GALNT1: variants seen among roughly 807,000 people sequenced by gnomAD.
GALNT1 encodes GalNAc transferase 1.
Under a neutral mutation model 65.7 loss-of-function variants are expected in GALNT1, and 17 were observed. The observed-to-expected ratio is 0.26, with a 90% CI of 0.18 to 0.39. The LOEUF (loss-of-function observed/expected upper bound fraction) is 0.39. Among genes scored for constraint, GALNT1 ranks in the 10% least tolerant of loss-of-function variants. GALNT1 has a pLI of 1.00. For synonymous variants in GALNT1, 210 were observed against 219.7 expected, an observed-to-expected ratio of 0.96 and a Z score of 0.39; for missense variants, 460 against 672.8, an observed-to-expected ratio of 0.68 and a Z score of 3.50.
chr18:35,600,668 G>A (rs144023630), intron 1 of GALNT1, among the ~76,000 whole-genome samples: 1 of 152,010 alleles, frequency 6.6e-6, no homozygotes, highest in African/African-American at 2.4e-5. Flanking sequence ...GTCACATATG[G>A]CCTTTATTTT....
chr18:35,618,473 G>T (rs150733553), intron 1 of GALNT1, among the ~76,000 whole-genome samples: 7 of 152,082 alleles, frequency 4.6e-5, no homozygotes, highest in African/African-American at 1.7e-4. Context: ...TTATCTTTTA[G>T]TTGCATTATG....
In GALNT1 at chr18:35,711,663, T is replaced by G. The variant is rs2048351866; in HGVS notation, c.*1893T>G. ...TACTCCAGCATAGCTTGGTCTTATT[T>G]CTTACTGTATGAAAGCTTAACAGCA... On this transcript the variant is annotated 3_prime_UTR_variant, in exon 12 of 12. Transcript: ENST00000269195. 6.6e-6 allele frequency: 1 copy of G among 152,246 alleles called. No individual in the cohort carries two copies. Among genetic ancestry groups the G allele is most frequent in the South Asian group, 2.1e-4 (1 of 4,834 alleles). The allele number at this position is 152,246 out of a possible 1,614,324, so 9.4% of individuals were successfully genotyped here.
chr18:35,629,601 A>T (rs2046975538), intron 1 of GALNT1, among the ~76,000 whole-genome samples: 1 of 152,202 alleles, frequency 6.6e-6, no homozygotes, highest in African/African-American at 2.4e-5. Context: ...GGTACCAGCC[A>T]CTGCAAAAAC....
Position 35,702,988 on chromosome 18 carries a change from G to T in GALNT1, c.1391G>T (p.Gly464Val). ...VGIFNCHGMG[G>V]NQVFSYTANK... Reference sequence around the variant, plus strand: ...ATTTTTAATTGCCATGGTATGGGGGGTAATCAGGTGAGTATCTTAGAAAAC... The same window carrying T: ...ATTTTTAATTGCCATGGTATGGGGGTTAATCAGGTGAGTATCTTAGAAAAC... The change falls in exon 10 of 12, where the codon GGT (glycine) becomes GTT (valine). Residue 464 changes from glycine to valine, a missense_variant. Physicochemically the swap from Gly to Val is moderately radical, Grantham distance 109. Coordinates refer to ENST00000269195, the MANE Select transcript of GALNT1 (RefSeq NM_020474.4). The T allele has an allele frequency of 6.3e-7, 1 of 1,589,064 alleles. No homozygotes were observed. Among genetic ancestry groups the T allele is most frequent in the Non-Finnish European group, 8.6e-7 (1 of 1,165,500 alleles).
chr18:35,605,537 A>G (rs144847580), intron 1 of GALNT1, among the ~76,000 whole-genome samples: 356 of 151,542 alleles, frequency 2.3e-3, no homozygotes, highest in Middle Eastern at 6.9e-3. Context: ...TCAGGTGCTT[A>G]AAACGAGCAG....
At chr18:35,677,904 A>T (rs1031635597) in intron 4 of GALNT1, 147 bp downstream of exon 4, 2 of 565,526 alleles carry the variant, frequency 3.5e-6, no homozygotes, top group Non-Finnish European at 6.0e-6. Context: ...TCACATATGT[A>T]AAAAAGTACA....
intron 3 of GALNT1, among the ~76,000 whole-genome samples, chr18:35,676,362 C>T (rs2047710727): frequency 6.6e-6 from 1 of 152,200 alleles, no homozygotes; most frequent in South Asian, 2.1e-4. Context: ...TTCTCCTTGT[C>T]TCCTGGCAGA....
chr18:35,655,009 C>T (rs1055155771), intron 2 of GALNT1, among the ~76,000 whole-genome samples: 2 of 152,006 alleles, frequency 1.3e-5, no homozygotes, highest in Non-Finnish European at 2.9e-5. Flanking sequence ...TTGCTGAATT[C>T]GATTTTTGTG....
chr18:35,706,838 T>TAACA (rs977612803), intron 11 of GALNT1, among the ~76,000 whole-genome samples: 1 of 152,110 alleles, frequency 6.6e-6, no homozygotes, highest in African/African-American at 2.4e-5. Context: ...ATTGAAAACT[T>TAACA]AACAGTCTAG....
At chr18:35,581,418 G>A (rs1171550536), upstream of GALNT1, 3 of 147,588 alleles carry the variant, frequency 2.0e-5, no homozygotes, top group Non-Finnish European at 4.5e-5. Context: ...CCGCAGCGGA[G>A]GGGGCGCGCA....
chr18:35,661,706 C>A (rs2047479881), intron 2 of GALNT1, among the ~76,000 whole-genome samples: 1 of 152,054 alleles, frequency 6.6e-6, no homozygotes, highest in Non-Finnish European at 1.5e-5. Context: ...TTTAATGGTG[C>A]ATGCCATGTC....
intron 1 of GALNT1, among the ~76,000 whole-genome samples, chr18:35,586,806 G>C (rs994077988): frequency 9.9e-5 from 15 of 152,220 alleles, no homozygotes; most frequent in Non-Finnish European, 1.5e-4. Context: ...TATTTTAGCT[G>C]TTCTAGTTCC....
chr18:35,677,805 T>A, intron 4 of GALNT1, 48 bp downstream of exon 4: 2 of 1,415,796 alleles, frequency 1.4e-6, no homozygotes, highest in African/African-American at 1.4e-5. Flanking sequence ...CTTTTGTCAC[T>A]AACGGTTAAA....
At chr18:35,682,921 A>AG (rs2144605405) in intron 4 of GALNT1, among the ~76,000 whole-genome samples, 1 of 151,302 alleles carries the variant, frequency 6.6e-6, no homozygotes, top group South Asian at 2.1e-4. Flanking sequence ...AAAAAAAAAA[A>AG]AAAAAAAAGT....
upstream of GALNT1, chr18:35,581,379 G>A (rs915769792): frequency 2.0e-5 from 3 of 149,640 alleles, no homozygotes; most frequent in East Asian, 2.0e-4. Flanking sequence ...CGAGCCCGAG[G>A]GGAGCGTCGC....
At chr18:35,707,803 C>G (rs1188122211) in intron 11 of GALNT1, among the ~76,000 whole-genome samples, 1 of 152,122 alleles carries the variant, frequency 6.6e-6, no homozygotes, top group Non-Finnish European at 1.5e-5. Flanking sequence ...GCGGGAACTC[C>G]CGGAATGTTT....
At chr18:35,672,200 T>C (rs909318096) in intron 3 of GALNT1, among the ~76,000 whole-genome samples, 5 of 152,232 alleles carry the variant, frequency 3.3e-5, no homozygotes, top group African/African-American at 9.6e-5. Context: ...CTTCCTGGAA[T>C]CTAGGATACA....
At position 35,634,587 on chromosome 18, in the gene GALNT1, A is replaced by G. The variant is rs115250343; in HGVS notation, c.-103-19973A>G. On this transcript the variant is annotated intron_variant, in intron 1 of 11. Coordinates refer to ENST00000269195, the MANE Select transcript of GALNT1 (RefSeq NM_020474.4). ...ATAATTCTTCCAGCAATGAATCGTG[A>G]CAACATGTGTGAAATGTTGTGTACT... 5.3e-3 allele frequency among the ~76,000 whole-genome samples: 807 copies of G among 152,308 alleles called. 10 individuals are homozygous for G. Among genetic ancestry groups the G allele is most frequent in the African/African-American group, 0.018 (766 of 41,568 alleles).
At chr18:35,621,234 A>G (rs1333424283) in intron 1 of GALNT1, among the ~76,000 whole-genome samples, 1 of 149,288 alleles carries the variant, frequency 6.7e-6, no homozygotes, top group African/African-American at 2.5e-5. Flanking sequence ...GCTGGAGTGC[A>G]GTAGTGGGAT....
Sources: gnomAD v4.1 joint callset for allele counts (sites outside exome capture counted in the v4.1 genomes callset) on GRCh38, gnomAD v4.1.1 for gene constraint, MANE v1.5 for transcripts, NCBI Gene and HGNC (gene_info 2026-07-23, HGNC 2026-07-21) for gene names.